UBAP1L: variants seen among roughly 807,000 people sequenced by gnomAD.
The protein encoded by UBAP1L is ubiquitin-associated protein 1-like.
In UBAP1L, 32 loss-of-function variants were observed where a neutral mutation model predicts 32.1. The ratio of observed to expected loss-of-function variants is 1.00; its 90% CI spans 0.75 to 1.34. The LOEUF is 1.34. Among genes scored for constraint, UBAP1L ranks in the 40% most tolerant of loss-of-function variants. UBAP1L has a pLI of 0.00. For synonymous variants in UBAP1L, 243 were observed against 250.2 expected, an observed-to-expected ratio of 0.97 and a Z score of 0.27; for missense variants, 516 against 540.5, an observed-to-expected ratio of 0.95 and a Z score of 0.45.
chr15:65,101,455 G>A (rs548970801), intron 3 of UBAP1L: 1 of 152,376 alleles, frequency 6.6e-6, no homozygotes, highest in African/African-American at 2.4e-5. Context: ...CACTTCCTCC[G>A]TCCTGAAGCC....
In UBAP1L at chr15:65,108,380, T is replaced by C. The variant is rs117814435; in HGVS notation, c.-173-1992A>G. ...GATTTAAATGTAAAAGGTAAAATAA[T>C]AAAACTCAAAGATAAAAATGAAAGA... On this transcript the variant is annotated intron_variant, in intron 1 of 5. Coordinates refer to ENST00000559089, the MANE Select transcript of UBAP1L (RefSeq NM_001163692.2). 5.7e-3 allele frequency among the ~76,000 whole-genome samples: 873 copies of C among 152,048 alleles called. 5 individuals are homozygous for C. The highest frequency in any genetic ancestry group is 0.014 in the Middle Eastern group (4 of 294).
chr15:65,106,731 C>T (rs774680227), intron 1 of UBAP1L, among the ~76,000 whole-genome samples: 1 of 151,498 alleles, frequency 6.6e-6, no homozygotes, highest in East Asian at 1.9e-4. Flanking sequence ...ACCTCCAGCT[C>T]CTGGGTTCAA....
At chr15:65,100,185 A>C (rs1440736581) in intron 3 of UBAP1L, 1 of 153,214 alleles carries the variant, frequency 6.5e-6, no homozygotes, top group Non-Finnish European at 1.5e-5. Flanking sequence ...CAGAGGTTGC[A>C]GTGAGCAGAG....
At position 65,094,884 on chromosome 15, in the gene UBAP1L, A is replaced by G; in HGVS notation, c.910-308T>C. 7.1e-6 allele frequency: 3 copies of G among 420,614 alleles called. No individual in the cohort carries two copies. Among genetic ancestry groups the G allele is most frequent in the Non-Finnish European group, 8.9e-6 (2 of 225,158 alleles). The allele number at this position is 420,614 out of a possible 1,614,324, so 26.1% of individuals were successfully genotyped here. ...CTAGGTGGGGAGCAGGACAGGCTTC[A>G]AACACAGACATCCCACCTACCACCC... is the stretch of plus-strand genomic sequence containing the variant. On this transcript the variant is annotated intron_variant, in intron 4 of 5. Coordinates refer to ENST00000559089, the MANE Select transcript of UBAP1L (RefSeq NM_001163692.2). This position sits in a 1 kb window ranked among gnomAD's most constrained non-coding sequence, Gnocchi z 4.2.
At position 65,102,605 on chromosome 15, in the gene UBAP1L, T is replaced by A; in HGVS notation, c.200A>T (p.Asp67Val). 4 of 1,549,368 alleles carry A rather than the reference T, an allele frequency of 2.6e-6. No homozygotes were observed. The highest frequency in any genetic ancestry group is 3.5e-6 in the Non-Finnish European group (4 of 1,146,644). Reference sequence around the variant, plus strand: ...TGGAGGGGCTGACGCTGTCCCCGGGTCACCGCACTGGTACGGGCTGGGTCC... The same window carrying A: ...TGGAGGGGCTGACGCTGTCCCCGGGACACCGCACTGGTACGGGCTGGGTCC... ...GQGPSPYQCG[D>V]PGTASAPPAW... Residue 67 changes from aspartate (D) to valine (V), a missense_variant, in exon 3 of 6, where the codon GAC becomes GTC. Coordinates refer to ENST00000559089, the MANE Select transcript of UBAP1L (RefSeq NM_001163692.2). This position sits in a 1 kb window ranked among gnomAD's most constrained non-coding sequence, Gnocchi z 5.0.
chr15:65,113,680 G>A (rs12913218), intron 1 of UBAP1L, among the ~76,000 whole-genome samples: 91 of 152,190 alleles, frequency 6.0e-4, no homozygotes, highest in Non-Finnish European at 1.2e-3. Flanking sequence ...CCTGGGAGGC[G>A]AAGGTTGCAG....
intron 4 of UBAP1L, chr15:65,096,344 C>G (rs1282891283): frequency 6.6e-6 from 1 of 152,238 alleles, no homozygotes; most frequent in African/African-American, 2.4e-5. Flanking sequence ...CTATAGCCCT[C>G]CAGGTGATTC....
chr15:65,094,662 G>C lies in UBAP1L; in HGVS notation c.910-86C>G. The stretch of plus-strand genomic sequence containing the variant: ...GGGCAGAGAGGCACTCCAAGGGCCT[G>C]AGCTGAGGGCCAGGCAACAGGGCAA... On this transcript the variant is annotated intron_variant, in intron 4 of 5. Coordinates refer to ENST00000559089, the MANE Select transcript of UBAP1L (RefSeq NM_001163692.2). This position sits in a 1 kb window ranked among gnomAD's most constrained non-coding sequence, Gnocchi z 4.2. The C allele has an allele frequency of 9.9e-7, 1 of 1,014,344 alleles. No homozygotes were observed. Among genetic ancestry groups the C allele is most frequent in the Non-Finnish European group, 1.5e-6 (1 of 665,620 alleles). 62.8% of individuals were successfully genotyped at this position (1,014,344 alleles called of 1,614,324 possible). A position where few individuals can be genotyped will look rare whatever the true frequency, so the allele number is the denominator to read the frequency against.
Position 65,094,423 on chromosome 15 carries a change from T to A in UBAP1L, c.1011+52A>T. ...TGGCCCTGCACACCGGGCTCCTGGG[T>A]ACACCCCCATCCCTTCCATCCCCTG... On this transcript the variant is annotated intron_variant, in intron 5 of 5. Coordinates refer to ENST00000559089, the MANE Select transcript of UBAP1L (RefSeq NM_001163692.2). This position sits in a 1 kb window ranked among gnomAD's most constrained non-coding sequence, Gnocchi z 4.2. 2 of 1,381,682 alleles carry A rather than the reference T, an allele frequency of 1.4e-6. No homozygotes were observed. Among genetic ancestry groups the A allele is most frequent in the Non-Finnish European group, 2.0e-6 (2 of 1,009,194 alleles). 85.6% of individuals were successfully genotyped at this position (1,381,682 alleles called of 1,614,324 possible).
At position 65,114,906 on chromosome 15, in the gene UBAP1L, C is replaced by T. The variant is rs143871634; in HGVS notation, c.-174+244G>A. On this transcript the variant is annotated intron_variant, in intron 1 of 5. Transcript: ENST00000559089. ...CATACTCTTCATGTGTGGCCAGATA[C>T]AGGAAGCCAGGAACTACTATGTGGA... Among the ~76,000 whole-genome samples, 647 of 152,268 alleles carry T rather than the reference C, an allele frequency of 4.2e-3. 6 individuals are homozygous for T. The highest frequency in any genetic ancestry group is 0.015 in the African/African-American group (623 of 41,552).
At chr15:65,110,099 G>A (rs1052188708) in intron 1 of UBAP1L, among the ~76,000 whole-genome samples, 19 of 151,270 alleles carry the variant, frequency 1.3e-4, no homozygotes, top group Admixed American at 9.2e-4. Context: ...GGTGGCTCAC[G>A]CCTGTAATCC....
At chr15:65,097,649 G>A (rs1183306427) in intron 4 of UBAP1L, 1 of 152,168 alleles carries the variant, frequency 6.6e-6, no homozygotes, top group Non-Finnish European at 1.5e-5. Flanking sequence ...AGAGATTCAT[G>A]CAAGAAAATG....
In UBAP1L at chr15:65,102,443, T is replaced by C. The variant is rs894612393; in HGVS notation, c.362A>G (p.Glu121Gly). ...DEAEASSGSE[E>G]EPAPSSLQPG... ...TTGGAGGCTGCTGGGGGCCGGCTCTTCCTCGCTGCCAGAGGAGGCTTCTGC... is the reference window on the plus strand; with the variant it reads ...TTGGAGGCTGCTGGGGGCCGGCTCTCCCTCGCTGCCAGAGGAGGCTTCTGC... Residue 121 changes from glutamate to glycine, a missense_variant, in exon 3 of 6, where the codon GAA becomes GGA. Transcript: ENST00000559089. This position sits in a 1 kb window ranked among gnomAD's most constrained non-coding sequence, Gnocchi z 5.0. 1.4e-6 allele frequency: 2 copies of C among 1,424,510 alleles called. No individual in the cohort carries two copies. The highest frequency in any genetic ancestry group is 1.5e-5 in the South Asian group (1 of 66,514). 88.2% of individuals were successfully genotyped at this position (1,424,510 alleles called of 1,614,324 possible). A position where few individuals can be genotyped will look rare whatever the true frequency, so the allele number is the denominator to read the frequency against.
chr15:65,094,973 C>G lies in UBAP1L; in HGVS notation c.910-397G>C, dbSNP rs2087157937. ...GGGAGCACCCATTCGTGTGAAGGTG[C>G]CTCCTCATCCGTCCACACCTGTGCA... On this transcript the variant is annotated intron_variant, in intron 4 of 5. Transcript: ENST00000559089. This position sits in a 1 kb window ranked among gnomAD's most constrained non-coding sequence, Gnocchi z 4.2. 3.7e-6 allele frequency: 1 copy of G among 271,232 alleles called. No homozygotes were observed. Among genetic ancestry groups the G allele is most frequent in the Non-Finnish European group, 7.3e-6 (1 of 136,592 alleles). The allele number at this position is 271,232 out of a possible 1,614,324, so 16.8% of individuals were successfully genotyped here.
Position 65,094,877 on chromosome 15 carries a change from A to AC in UBAP1L, c.910-302_910-301insG. The AC allele has an allele frequency of 6.8e-6, 3 of 441,634 alleles. No individual in the cohort carries two copies. The highest frequency in any genetic ancestry group is 8.4e-6 in the Non-Finnish European group (2 of 237,364). 27.4% of individuals were successfully genotyped at this position (441,634 alleles called of 1,614,324 possible). A position where few individuals can be genotyped will look rare whatever the true frequency, so the allele number is the denominator to read the frequency against. ...ATAGAACCTAGGTGGGGAGCAGGAC[A>AC]GGCTTCAAACACAGACATCCCACCT... On this transcript the variant is annotated intron_variant, in intron 4 of 5. Coordinates refer to ENST00000559089, the MANE Select transcript of UBAP1L (RefSeq NM_001163692.2). This position sits in a 1 kb window ranked among gnomAD's most constrained non-coding sequence, Gnocchi z 4.2.
intron 3 of UBAP1L, chr15:65,101,343 A>C (rs1436090617): frequency 6.6e-6 from 1 of 152,242 alleles, no homozygotes; most frequent in African/African-American, 2.4e-5. Context: ...AATTATGAAT[A>C]CAAAATTGGG....
At position 65,093,060 on chromosome 15, in the gene UBAP1L, G is replaced by A. The variant is rs2140554417; in HGVS notation, c.*37C>T. ...GGATGGGTTGCCAGGTCTGGCATTG[G>A]GCCTAGATGCCCAGGCATCGTGGAG... On this transcript the variant is annotated 3_prime_UTR_variant, in exon 6 of 6. Transcript: ENST00000559089. The A allele has an allele frequency of 6.5e-7, 1 of 1,533,820 alleles. No homozygotes were observed. The highest frequency in any genetic ancestry group is 8.8e-7 in the Non-Finnish European group (1 of 1,142,432).
chr15:65,106,883 C>T (rs541821201), intron 1 of UBAP1L, among the ~76,000 whole-genome samples: 135 of 152,206 alleles, frequency 8.9e-4, no homozygotes, highest in African/African-American at 3.0e-3. Flanking sequence ...TTAGGTGATC[C>T]GGCCACCTCA....
Position 65,093,000 on chromosome 15 carries a change from TTTG to T in UBAP1L, c.*94_*96del, listed in dbSNP as rs1244414620. ...TGTTTTTACAATAAGTATGCATCAC[TTTG>T]TTACTCTTACTTGGTTTTAATAATA... is the stretch of plus-strand genomic sequence containing the variant. On this transcript the variant is annotated 3_prime_UTR_variant, in exon 6 of 6. Transcript: ENST00000559089. 2 of 1,424,384 alleles carry T rather than the reference TTTG, an allele frequency of 1.4e-6. No individual in the cohort carries two copies. The highest frequency in any genetic ancestry group is 5.2e-5 in the East Asian group (2 of 38,304). 88.2% of individuals were successfully genotyped at this position (1,424,384 alleles called of 1,614,324 possible).
Sources: gnomAD v4.1 joint callset for allele counts (sites outside exome capture counted in the v4.1 genomes callset) on GRCh38, gnomAD v4.1.1 for gene constraint, Gnocchi (gnomAD v3.1) non-coding constraint, MANE v1.5 for transcripts, NCBI Gene and HGNC (gene_info 2026-07-23, HGNC 2026-07-21) for gene names.